Variants in SRGAP3 observed in about 807,000 individuals in gnomAD.
SRGAP3 encodes the protein SLIT-ROBO Rho GTPase activating protein 3, also known as SLIT-ROBO Rho GTPase-activating protein 3.
A neutral mutation model predicts 121.1 loss-of-function variants in SRGAP3; 39 were observed. That is an observed-to-expected ratio of 0.32 (90% CI 0.25 to 0.42). The LOEUF (loss-of-function observed/expected upper bound fraction) is 0.42, where lower values mean the gene tolerates loss of function less well. Among genes scored for constraint, SRGAP3 ranks in the 10% least tolerant of loss-of-function variants. The pLI is 1.00. For synonymous variants in SRGAP3, 601 were observed against 570.0 expected, an observed-to-expected ratio of 1.05 and a Z score of -0.77; for missense variants, 1,213 against 1,470.6, an observed-to-expected ratio of 0.82 and a Z score of 2.86.
intron 1 of SRGAP3, among the ~76,000 whole-genome samples, chr3:9,159,673 A>G (rs1950543103): frequency 1.3e-5 from 2 of 152,210 alleles, no homozygotes; most frequent in Admixed American, 1.3e-4. Context: ...AGTTAAAATC[A>G]TAATAATGTT....
At chr3:9,030,307 C>G (rs546164315) in intron 12 of SRGAP3, among the ~76,000 whole-genome samples, 1 of 152,354 alleles carries the variant, frequency 6.6e-6, no homozygotes, top group Admixed American at 6.5e-5. Context: ...TGCTCAAGTG[C>G]TCTGGGCTGT....
chr3:9,275,650 C>A (rs1017014891), intron 3 of SRGAP3, among the ~76,000 whole-genome samples: 5 of 152,176 alleles, frequency 3.3e-5, no homozygotes, highest in East Asian at 1.9e-4. Context: ...TAAGGGGTTT[C>A]TTTCCCCTTT....
In SRGAP3 at chr3:9,047,339, G is replaced by A. The variant is rs184459326; in HGVS notation, c.1408+52C>T. On this transcript the variant is annotated intron_variant, in intron 10 of 21. Transcript: ENST00000383836. ...TCAACACGTCAGGGGGCCACAGTGA[G>A]AGCCAGTGGGGAACGCAGCACCTCC... 462 of 1,573,364 alleles carry A rather than the reference G, an allele frequency of 2.9e-4. 2 individuals are homozygous for A. In the African/African-American group the frequency reaches 4.8e-3, roughly 16 times the overall value.
At chr3:9,062,173 A>T (rs1489765498) in intron 5 of SRGAP3, among the ~76,000 whole-genome samples, 1 of 152,090 alleles carries the variant, frequency 6.6e-6, no homozygotes, top group African/African-American at 2.4e-5. Flanking sequence ...CCCTTCATAG[A>T]CTCATAAAAT....
rs1478903551 is a variant in SRGAP3 at position 8,985,789 on chromosome 3, G to C, written c.3030C>G (p.Ala1010=). The change falls in exon 22 of 22, where the codon GCC becomes GCG. Residue 1010 remains alanine (A), a synonymous_variant. Transcript: ENST00000383836. The surrounding 1 kb of genome is among the most constrained non-coding windows in gnomAD (Gnocchi z 5.1). ...GGATGACGATGGTGTGAAGGGGACT[G>C]GCGGGCTCCGAGCTGACGGGGCCTG... ...NPPGPVSSEP[A]SPLHTIVIRD... 1.2e-6 allele frequency: 2 copies of C among 1,600,370 alleles called. No individual in the cohort carries two copies. The highest frequency in any genetic ancestry group is 1.3e-5 in the African/African-American group (1 of 75,012).
chr3:9,033,784 C>T (rs1944614780), intron 11 of SRGAP3: 1 of 152,198 alleles, frequency 6.6e-6, no homozygotes, highest in African/African-American at 2.4e-5. Context: ...CCATCTCAAC[C>T]CTGTGCATGT....
chr3:9,223,004 A>G (rs953808019), intron 1 of SRGAP3, among the ~76,000 whole-genome samples: 1 of 152,234 alleles, frequency 6.6e-6, no homozygotes, highest in African/African-American at 2.4e-5. Flanking sequence ...CTATGCCACC[A>G]GTGCTAGGGG....
At chr3:9,050,863 G>C (rs1255702083) in intron 9 of SRGAP3, among the ~76,000 whole-genome samples, 1 of 152,188 alleles carries the variant, frequency 6.6e-6, no homozygotes, top group African/African-American at 2.4e-5. Flanking sequence ...CCTTGACAGG[G>C]TCAAAGAGTG....
chr3:9,006,617 CA>C (rs1445587396), intron 18 of SRGAP3, among the ~76,000 whole-genome samples: 2 of 152,098 alleles, frequency 1.3e-5, no homozygotes, highest in Non-Finnish European at 1.5e-5. Flanking sequence ...AACAGACCAA[CA>C]GGGGGAGGAG....
At chr3:9,159,288 C>T (rs1299566606) in intron 1 of SRGAP3, among the ~76,000 whole-genome samples, 1 of 131,596 alleles carries the variant, frequency 7.6e-6, no homozygotes, top group Non-Finnish European at 1.7e-5. Context: ...TATGTCCTCT[C>T]GCTTTTCACA....
In SRGAP3 at chr3:9,107,465, C is replaced by T. The variant is rs555457354; in HGVS notation, c.261-2623G>A. On this transcript the variant is annotated intron_variant, in intron 2 of 21. Coordinates refer to ENST00000383836, the MANE Select transcript of SRGAP3 (RefSeq NM_014850.4). ...TCTTCTATTCCCACTGGGGCCTGGA[C>T]GCTTTTCCCTCTGCCTGGAATACCA... 1.4e-4 allele frequency among the ~76,000 whole-genome samples: 22 copies of T among 152,340 alleles called. No individual in the cohort carries two copies. The South Asian group carries it at 3.5e-3, about 24-fold the overall frequency.
At chr3:9,242,859 A>AT (rs893153713) in intron 1 of SRGAP3, among the ~76,000 whole-genome samples, 4 of 151,830 alleles carry the variant, frequency 2.6e-5, no homozygotes, top group African/African-American at 9.7e-5. Context: ...TAATTTTTGT[A>AT]TTTTTTGTAG....
intron 3 of SRGAP3, among the ~76,000 whole-genome samples, chr3:9,269,385 C>T (rs575836636): frequency 6.6e-6 from 1 of 152,276 alleles, no homozygotes; most frequent in African/African-American, 2.4e-5. Context: ...AGGACCCAGA[C>T]AGTGTCTCCT....
upstream of SRGAP3, among the ~76,000 whole-genome samples, chr3:9,251,767 C>T (rs983360317): frequency 2.0e-5 from 3 of 152,168 alleles, no homozygotes; most frequent in Non-Finnish European, 4.4e-5. Flanking sequence ...GATGGTATAG[C>T]GCTCTGAGCT....
intron 7 of SRGAP3, among the ~76,000 whole-genome samples, chr3:9,057,007 G>A (rs1945854143): frequency 1.3e-5 from 2 of 152,130 alleles, no homozygotes; most frequent in Admixed American, 1.3e-4. Context: ...TCAGTCTCCC[G>A]AGTAGCTGGG....
intron 1 of SRGAP3, among the ~76,000 whole-genome samples, chr3:9,352,895 C>T (rs1004398092): frequency 3.9e-5 from 6 of 152,220 alleles, no homozygotes; most frequent in African/African-American, 1.4e-4. Context: ...TCTGTAAATG[C>T]TGATTTCTGT....
intron 10 of SRGAP3, among the ~76,000 whole-genome samples, chr3:9,044,175 C>G (rs1945145030): frequency 6.6e-6 from 1 of 152,210 alleles, no homozygotes; most frequent in Non-Finnish European, 1.5e-5. Context: ...TGGGTTTCAT[C>G]TAACTTGTAG....
At chr3:9,191,018 T>G (rs1473318240) in intron 1 of SRGAP3, among the ~76,000 whole-genome samples, 2 of 152,148 alleles carry the variant, frequency 1.3e-5, no homozygotes, top group Non-Finnish European at 2.9e-5. Flanking sequence ...CTTCCCTTAC[T>G]CCATCCCTAC....
chr3:9,095,267 A>T, intron 3 of SRGAP3, among the ~76,000 whole-genome samples: 1 of 152,006 alleles, frequency 6.6e-6, no homozygotes, highest in African/African-American at 2.4e-5. Flanking sequence ...GTTGTATGGA[A>T]GATTTTTTAT....
Sources: gnomAD v4.1 joint callset for allele counts (sites outside exome capture counted in the v4.1 genomes callset) on GRCh38, gnomAD v4.1.1 for gene constraint, Gnocchi (gnomAD v3.1) non-coding constraint, MANE v1.5 for transcripts, NCBI Gene and HGNC (gene_info 2026-07-23, HGNC 2026-07-21) for gene names.